VAV1: variants seen among roughly 807,000 people sequenced by gnomAD.
The protein encoded by VAV1 is vav guanine nucleotide exchange factor 1.
In VAV1, 33 loss-of-function variants were observed where a neutral mutation model predicts 128.1. The observed-to-expected ratio is 0.26, with a 90% CI of 0.20 to 0.34. The LOEUF is 0.34. VAV1 is among the 10% of genes least tolerant of loss of function. The pLI is 1.00. For synonymous variants in VAV1, 394 were observed against 409.8 expected (o/e 0.96, Z 0.47); for missense variants, 715 against 1,093.7 (o/e 0.65, Z 4.88).
chr19:6,826,566 C>G lies in VAV1; in HGVS notation c.828-46C>G. Reference sequence around the variant, plus strand: ...GGGCTGACGCCAGCCTCTGCCCGACCTTGATGCCAGTCACCTTTACCTGGT... The same window carrying G: ...GGGCTGACGCCAGCCTCTGCCCGACGTTGATGCCAGTCACCTTTACCTGGT... On this transcript the variant is annotated intron_variant, in intron 8 of 26. Transcript: ENST00000602142. This position sits in a 1 kb window ranked among gnomAD's most constrained non-coding sequence, Gnocchi z 4.1. 1.4e-6 allele frequency: 2 copies of G among 1,473,756 alleles called. No individual in the cohort carries two copies. The highest frequency in any genetic ancestry group is 1.9e-6 in the Non-Finnish European group (2 of 1,078,748). 91.3% of individuals were successfully genotyped at this position (1,473,756 alleles called of 1,614,324 possible).
intron 1 of VAV1, among the ~76,000 whole-genome samples, chr19:6,810,008 AAAAAAT>A (rs1247107766): frequency 2.0e-5 from 3 of 152,010 alleles, no homozygotes; most frequent in African/African-American, 7.2e-5. Context: ...CTGTATCTAC[AAAAAAT>A]AAAAATAAAA....
At chr19:6,829,634 TG>T in intron 13 of VAV1, 151 bp from the exon 14 acceptor site, 2 of 1,119,994 alleles carry the variant, frequency 1.8e-6, no homozygotes, top group Non-Finnish European at 2.6e-6. Flanking sequence ...GCGGATCACG[TG>T]GGTGAAGTCA....
At chr19:6,787,019 T>C (rs1970907418) in intron 1 of VAV1, among the ~76,000 whole-genome samples, 1 of 140,140 alleles carries the variant, frequency 7.1e-6, no homozygotes, top group African/African-American at 2.9e-5. Context: ...ACACGCTGTC[T>C]ATTTTTTTTT....
Position 6,822,310 on chromosome 19 carries a change from C to T in VAV1, c.539C>T (p.Ser180Leu), listed in dbSNP as rs2144770693. 7.2e-7 allele frequency: 1 copy of T among 1,394,424 alleles called. No homozygotes were observed. The highest frequency in any genetic ancestry group is 9.5e-7 in the Non-Finnish European group (1 of 1,047,260). 86.4% of individuals were successfully genotyped at this position (1,394,424 alleles called of 1,614,324 possible). A position where few individuals can be genotyped will look rare whatever the true frequency, so the allele number is the denominator to read the frequency against. The change falls in exon 5 of 27, where the codon TCG becomes TTG. Residue 180 changes from serine to leucine, a missense_variant. Around this residue, in one of 3 missense-constraint regions of VAV1, gnomAD observed 302 missense variants for 477.8 expected, o/e 0.63. Coordinates refer to ENST00000602142, the MANE Select transcript of VAV1 (RefSeq NM_005428.4). This position sits in a 1 kb window ranked among gnomAD's most constrained non-coding sequence, Gnocchi z 5.9. Reference sequence around the variant, plus strand: ...GAGATCTATGAGGACCTCATGCGCTCGGAGCCCGTGTCCATGCCGGTGCGT... The same window carrying T: ...GAGATCTATGAGGACCTCATGCGCTTGGAGCCCGTGTCCATGCCGGTGCGT... ...GDEIYEDLMR[S>L]EPVSMPPKMT...
intron 1 of VAV1, among the ~76,000 whole-genome samples, chr19:6,789,591 C>CTCTT (rs1568285764): frequency 6.6e-6 from 1 of 150,674 alleles, no homozygotes; most frequent in African/African-American, 2.5e-5. Context: ...TCTTTTCTTT[C>CTCTT]CCTCCTTCCT....
At chr19:6,800,531 A>G (rs1971242070) in intron 1 of VAV1, among the ~76,000 whole-genome samples, 1 of 151,944 alleles carries the variant, frequency 6.6e-6, no homozygotes, top group South Asian at 2.1e-4. Context: ...GCGCGTCTCA[A>G]ACTCCTGACC....
At chr19:6,821,599 G>A (rs763750393) in intron 2 of VAV1, 23 bp from the exon 3 acceptor site, 6 of 1,613,726 alleles carry the variant, frequency 3.7e-6, no homozygotes, top group Non-Finnish European at 5.1e-6. Context: ...GGGGCTCACT[G>A]AGTGGCCACT....
chr19:6,834,966 C>G (rs1231021194), intron 19 of VAV1, among the ~76,000 whole-genome samples: 3 of 151,512 alleles, frequency 2.0e-5, no homozygotes, highest in Admixed American at 1.3e-4. Context: ...TTGCTTGAGC[C>G]CAGGAGTTCA....
Position 6,822,748 on chromosome 19 carries a change from A to G in VAV1, c.654+234A>G, listed in dbSNP as rs954426078. Reference sequence around the variant, plus strand: ...ATATAAAATATAGGACACTGCCTGCAGGAGCAGTCAAAAAACCAAAAACAA... The same window carrying G: ...ATATAAAATATAGGACACTGCCTGCGGGAGCAGTCAAAAAACCAAAAACAA... On this transcript the variant is annotated intron_variant, in intron 6 of 26. Coordinates refer to ENST00000602142, the MANE Select transcript of VAV1 (RefSeq NM_005428.4). The surrounding 1 kb of genome is among the most constrained non-coding windows in gnomAD (Gnocchi z 5.9). Among the ~76,000 whole-genome samples, 1 of 148,316 alleles carries G rather than the reference A, an allele frequency of 6.7e-6. No individual in the cohort carries two copies. Among genetic ancestry groups the G allele is most frequent in the Non-Finnish European group, 1.5e-5 (1 of 67,216 alleles).
In VAV1 at chr19:6,833,554, G is replaced by A; in HGVS notation, c.1637G>A (p.Cys546Tyr). 6.2e-7 allele frequency: 1 copy of A among 1,611,174 alleles called. No homozygotes were observed. The highest frequency in any genetic ancestry group is 8.5e-7 in the Non-Finnish European group (1 of 1,178,070). Reference sequence around the variant, plus strand: ...GGTACCTTCTATCAGGGCTACCGCTGCCATCGGTGCCGGGCATCTGCACAC... The same window carrying A: ...GGTACCTTCTATCAGGGCTACCGCTACCATCGGTGCCGGGCATCTGCACAC... Reference protein sequence around the residue: ...LRGTFYQGYRCHRCRASAHKE... With the variant: ...LRGTFYQGYRYHRCRASAHKE... Residue 546 changes from cysteine to tyrosine, a missense_variant, in exon 17 of 27, where the codon TGC (cysteine) becomes TAC (tyrosine). By Grantham distance (194) the Cys-to-Tyr change is radical. Around this residue, in one of 3 missense-constraint regions of VAV1, gnomAD observed 407 missense variants for 580.6 expected, o/e 0.70. Transcript: ENST00000602142.
chr19:6,834,099 G>A, intron 19 of VAV1, 146 bp downstream of exon 19: 1 of 1,188,224 alleles, frequency 8.4e-7, no homozygotes, highest in Non-Finnish European at 1.2e-6. Flanking sequence ...CAATTTGGGA[G>A]GCCAAGGCGG....
intron 1 of VAV1, among the ~76,000 whole-genome samples, chr19:6,805,658 A>C (rs993608746): frequency 2.2e-4 from 34 of 151,608 alleles, no homozygotes; most frequent in African/African-American, 8.0e-4. Flanking sequence ...TTCAGGATGA[A>C]TCAACCACAT....
At chr19:6,784,241 A>G in intron 1 of VAV1, 1 of 649,694 alleles carries the variant, frequency 1.5e-6, no homozygotes, top group Non-Finnish European at 2.8e-6. Context: ...TGGACAAAAG[A>G]GTAAGACCCT....
chr19:6,843,914 C>T (rs1173554688), intron 22 of VAV1, among the ~76,000 whole-genome samples: 1 of 151,640 alleles, frequency 6.6e-6, no homozygotes, highest in Non-Finnish European at 1.5e-5. Context: ...AGTGTTCTTT[C>T]ATAATGGCAC....
intron 1 of VAV1, among the ~76,000 whole-genome samples, chr19:6,815,505 T>C (rs1169724127): frequency 6.6e-6 from 1 of 152,188 alleles, no homozygotes; most frequent in Non-Finnish European, 1.5e-5. Context: ...AGCTCTCTTC[T>C]TAAACACAAA....
chr19:6,784,851 T>G (rs2036908065), intron 1 of VAV1, among the ~76,000 whole-genome samples: 1 of 152,126 alleles, frequency 6.6e-6, no homozygotes, highest in South Asian at 2.1e-4. Context: ...AAATGTCACC[T>G]TTCAGGACTT....
chr19:6,789,976 C>T (rs1223840608), intron 1 of VAV1, among the ~76,000 whole-genome samples: 1 of 151,918 alleles, frequency 6.6e-6, no homozygotes, highest in African/African-American at 2.4e-5. Context: ...GATGCTGAGG[C>T]GGGTGGATCT....
intron 23 of VAV1, 152 bp from the exon 24 acceptor site, chr19:6,850,518 C>A: frequency 3.1e-6 from 2 of 644,108 alleles, no homozygotes; most frequent in African/African-American, 1.8e-5. Flanking sequence ...TAGCAAAGGC[C>A]CCAGGGAATG....
At chr19:6,775,910 C>T (rs560200064) in intron 1 of VAV1, among the ~76,000 whole-genome samples, 1 of 152,056 alleles carries the variant, frequency 6.6e-6, no homozygotes, top group African/African-American at 2.4e-5. Flanking sequence ...AGAATTCTTC[C>T]CAGTTTCTGT....
Sources: allele counts gnomAD v4.1 joint callset (sites outside exome capture counted in the v4.1 genomes callset), GRCh38; gene constraint gnomAD v4.1.1; regional missense constraint gnomAD v4.1.1; non-coding constraint Gnocchi (gnomAD v3.1); transcripts MANE v1.5; gene names NCBI Gene and HGNC (gene_info 2026-07-23, HGNC 2026-07-21).